Variants in TTC39C observed in about 807,000 individuals in gnomAD.
The protein encoded by TTC39C is tetratricopeptide repeat domain 39C, also known as tetratricopeptide repeat protein 39C.
Under a neutral mutation model 76.3 loss-of-function variants are expected in TTC39C, and 33 were observed. The ratio of observed to expected loss-of-function variants is 0.43; its 90% CI spans 0.33 to 0.58. The LOEUF (loss-of-function observed/expected upper bound fraction) is 0.58. Among genes scored for constraint, TTC39C ranks in the 20% least tolerant of loss-of-function variants. The pLI is 0.04. For missense variants in TTC39C, 595 were observed against 701.4 expected, an observed-to-expected ratio of 0.85 and a Z score of 1.71; for synonymous variants, 254 against 260.6, an observed-to-expected ratio of 0.97 and a Z score of 0.24.
chr18:24,045,915 ATATATATATATATTTTTT>A lies in TTC39C; in HGVS notation c.168-18223_168-18206del, dbSNP rs1187761524. Among the ~76,000 whole-genome samples the A allele has an allele frequency of 6.4e-4, 13 of 20,260 alleles. No homozygotes were observed. In the South Asian group the frequency reaches 0.018, roughly 28 times the overall value. The allele number at this position is 20,260 out of a possible 152,430, so 13.3% of individuals were successfully genotyped here. On this transcript the variant is annotated intron_variant, in intron 1 of 13. Transcript: ENST00000317571. ...AAAATATATATATATATATATATAT[ATATATATATATATTTTTT>A]TTTTTTTTTTTTTTTTTTTTTTTGA... is the stretch of plus-strand genomic sequence containing the variant.
intron 6 of TTC39C, among the ~76,000 whole-genome samples, chr18:24,092,092 CAAA>C (rs74171390): frequency 7.4e-5 from 5 of 67,598 alleles, no homozygotes; most frequent in African/African-American, 2.3e-4. Flanking sequence ...GACTCAGTCT[CAAA>C]AAAAAAAAAA....
intron 11 of TTC39C, among the ~76,000 whole-genome samples, chr18:24,129,607 C>G (rs1405635078): frequency 6.6e-6 from 1 of 151,864 alleles, no homozygotes; most frequent in Non-Finnish European, 1.5e-5. Context: ...AACCCCGTCT[C>G]TACTGAAAAT....
intron 1 of TTC39C, chr18:23,994,627 A>G (rs2083246150): frequency 6.6e-6 from 1 of 152,360 alleles, no homozygotes; most frequent in African/African-American, 2.4e-5. Flanking sequence ...CCCCGTTTCA[A>G]GGCTTTAAAA....
chr18:24,023,993 T>TATGCATGTATATATATATACAC (rs2083561049), intron 1 of TTC39C, among the ~76,000 whole-genome samples: 1 of 5,898 alleles, frequency 1.7e-4, no homozygotes, highest in African/African-American at 5.7e-4. Flanking sequence ...TATATATATA[T>TATGCATGTATATATATATACAC]ATATATATAT....
chr18:24,013,331 G>A (rs1037282784), upstream of TTC39C, among the ~76,000 whole-genome samples: 1 of 152,166 alleles, frequency 6.6e-6, no homozygotes, highest in Non-Finnish European at 1.5e-5. Context: ...GACACTTAAG[G>A]AGTGGCAGTA....
At chr18:24,070,599 C>T (rs1287928682) in intron 4 of TTC39C, among the ~76,000 whole-genome samples, 1 of 152,186 alleles carries the variant, frequency 6.6e-6, no homozygotes, top group Non-Finnish European at 1.5e-5. Flanking sequence ...AATCCCAGCA[C>T]ATTAGGAGGC....
intron 1 of TTC39C, among the ~76,000 whole-genome samples, chr18:24,054,867 A>G (rs1259204613): frequency 6.6e-6 from 1 of 151,956 alleles, no homozygotes; most frequent in Non-Finnish European, 1.5e-5. Context: ...CAAAACTCCA[A>G]CTCTGTGTCC....
chr18:24,060,406 C>T (rs2084083476), intron 1 of TTC39C, among the ~76,000 whole-genome samples: 1 of 150,006 alleles, frequency 6.7e-6, no homozygotes, highest in African/African-American at 2.4e-5. Context: ...CAGCTTCTGC[C>T]ACTCAGGTTC....
chr18:24,005,665 GCGAGACC>G (rs2083345769), intron 1 of TTC39C, among the ~76,000 whole-genome samples: 1 of 150,678 alleles, frequency 6.6e-6, no homozygotes, highest in Non-Finnish European at 1.5e-5. Flanking sequence ...GGGCAACAAA[GCGAGACC>G]CTGTCTCTAA....
chr18:24,092,528 A>G (rs2084536448), intron 6 of TTC39C, among the ~76,000 whole-genome samples: 1 of 152,252 alleles, frequency 6.6e-6, no homozygotes, highest in Non-Finnish European at 1.5e-5. Context: ...ATACATTCAT[A>G]CAATGGAATA....
At chr18:24,123,198 G>T (rs1315575016) in intron 8 of TTC39C, among the ~76,000 whole-genome samples, 1 of 152,092 alleles carries the variant, frequency 6.6e-6, no homozygotes, top group Non-Finnish European at 1.5e-5. Flanking sequence ...CTTTGAGTAT[G>T]TGAGCCCTAA....
chr18:24,073,958 A>G (rs770064700), intron 4 of TTC39C, among the ~76,000 whole-genome samples: 1 of 152,230 alleles, frequency 6.6e-6, no homozygotes, highest in Non-Finnish European at 1.5e-5. Flanking sequence ...GGACTGTGCA[A>G]TCTACCTGCT....
rs2084864758 is a variant in TTC39C, at chr18:24,114,415, G to A, written c.985-139G>A. The A allele has an allele frequency of 2.6e-5, 16 of 622,288 alleles. No individual in the cohort carries two copies. The South Asian group carries it at 3.2e-4, about 12-fold the overall frequency. The allele number at this position is 622,288 out of a possible 1,614,324, so 38.5% of individuals were successfully genotyped here. A position where few individuals can be genotyped will look rare whatever the true frequency, so the allele number is the denominator to read the frequency against. On this transcript the variant is annotated intron_variant, in intron 6 of 13. Transcript: ENST00000317571. ...GGGGGCAAATTGGAGTATTTTCCTA[G>A]CAATCTTTAAACCACTGTCTTCTAT...
intron 1 of TTC39C, among the ~76,000 whole-genome samples, chr18:24,061,268 T>G (rs899420692): frequency 6.6e-6 from 1 of 152,160 alleles, no homozygotes. Flanking sequence ...CTATGGTTTA[T>G]TTCACTCACT....
chr18:24,093,749 A>G (rs2084556908), intron 6 of TTC39C, among the ~76,000 whole-genome samples: 2 of 152,234 alleles, frequency 1.3e-5, no homozygotes, highest in Admixed American at 1.3e-4. Context: ...GTGCAGTAGC[A>G]TTATGTCTAA....
intron 1 of TTC39C, among the ~76,000 whole-genome samples, chr18:24,053,784 T>G (rs2083982251): frequency 6.6e-6 from 1 of 152,182 alleles, no homozygotes; most frequent in African/African-American, 2.4e-5. Flanking sequence ...ATTTCAAGCC[T>G]TTATTTAGTG....
At chr18:24,057,872 T>C (rs1440235110) in intron 1 of TTC39C, among the ~76,000 whole-genome samples, 1 of 152,210 alleles carries the variant, frequency 6.6e-6, no homozygotes, top group African/African-American at 2.4e-5. Context: ...TGTGTGTTCA[T>C]TGCAGCACTA....
chr18:24,132,586 C>T lies in TTC39C; in HGVS notation c.*12C>T. On this transcript the variant is annotated 3_prime_UTR_variant, in exon 14 of 14. Coordinates refer to ENST00000317571, the MANE Select transcript of TTC39C (RefSeq NM_001135993.2). Reference sequence around the variant, plus strand: ...TGGTTCCTCAGTGACAGACCCGGAACACCCGCTCCGTCCCTCCCCACCCAG... The same window carrying T: ...TGGTTCCTCAGTGACAGACCCGGAATACCCGCTCCGTCCCTCCCCACCCAG... The T allele has an allele frequency of 6.2e-7, 1 of 1,609,416 alleles. No homozygotes were observed. The highest frequency in any genetic ancestry group is 8.5e-7 in the Non-Finnish European group (1 of 1,177,428).
intron 1 of TTC39C, among the ~76,000 whole-genome samples, chr18:24,052,463 CTTTTTATTCATT>C (rs2083962982): frequency 6.6e-6 from 1 of 151,990 alleles, no homozygotes; most frequent in South Asian, 2.1e-4. Flanking sequence ...GAAAAGGTCA[CTTTTTATTCATT>C]TTAAACTGAG....
Sources: gnomAD v4.1 joint callset for allele counts (sites outside exome capture counted in the v4.1 genomes callset) on GRCh38, gnomAD v4.1.1 for gene constraint, MANE v1.5 for transcripts, NCBI Gene and HGNC (gene_info 2026-07-23, HGNC 2026-07-21) for gene names.